Variants in CHKA observed in about 807,000 individuals in gnomAD.
CHKA encodes choline kinase alpha, also known as CHETK-alpha.
Under a neutral mutation model 60.1 loss-of-function variants are expected in CHKA, and 34 were observed. The ratio of observed to expected loss-of-function variants is 0.57; its 90% CI spans 0.43 to 0.75. The LOEUF is 0.75. Among genes scored for constraint, CHKA ranks in the 30% least tolerant of loss-of-function variants. CHKA has a pLI of 0.00. For missense variants in CHKA, 563 were observed against 561.3 expected (o/e 1.00, Z -0.03); for synonymous variants, 217 against 223.1 (o/e 0.97, Z 0.24).
chr11:68,071,466 T>C (rs1451680272), intron 4 of CHKA, among the ~76,000 whole-genome samples: 1 of 152,164 alleles, frequency 6.6e-6, no homozygotes, highest in Non-Finnish European at 1.5e-5. Context: ...ATCCTGCACT[T>C]CCCCTAAATC....
At chr11:68,076,056 T>A (rs961537666) in intron 3 of CHKA, among the ~76,000 whole-genome samples, 1 of 152,210 alleles carries the variant, frequency 6.6e-6, no homozygotes, top group Admixed American at 6.5e-5. Context: ...TTCCAAAGGA[T>A]ATCAGACCAC....
At chr11:68,087,855 G>A (rs1401438648) in intron 2 of CHKA, among the ~76,000 whole-genome samples, 2 of 152,160 alleles carry the variant, frequency 1.3e-5, no homozygotes, top group African/African-American at 2.4e-5. Flanking sequence ...GCTCACGCCT[G>A]TAATCCCAGC....
chr11:68,120,299 G>A (rs553099252), intron 1 of CHKA, among the ~76,000 whole-genome samples: 5 of 151,794 alleles, frequency 3.3e-5, no homozygotes, highest in African/African-American at 9.7e-5. Context: ...TCCCACCTTT[G>A]TCTAGTAACA....
chr11:68,114,457 G>T (rs1448668871), intron 1 of CHKA, among the ~76,000 whole-genome samples: 1 of 152,086 alleles, frequency 6.6e-6, no homozygotes, highest in Non-Finnish European at 1.5e-5. Context: ...CAACACCTTG[G>T]GAGGCCAAGG....
chr11:68,097,099 A>G lies in CHKA; in HGVS notation c.382T>C (p.Ser128Pro). 1 of 1,613,790 alleles carries G rather than the reference A, an allele frequency of 6.2e-7. No homozygotes were observed. Among genetic ancestry groups the G allele is most frequent in the Non-Finnish European group, 8.5e-7 (1 of 1,179,830 alleles). Residue 128 changes from serine (S) to proline (P), a missense_variant, in exon 2 of 12, where the codon TCC becomes CCC. Coordinates refer to ENST00000265689, the MANE Select transcript of CHKA (RefSeq NM_001277.3). ...GGLSNMLFQC[S>P]LPDTTATLGD... is the part of the protein sequence containing the mutation. ...AGGGTGGCTGTGGTGTCAGGTAGGG[A>G]GCACTGGAACAGCATGTTGCTAAGG... is the stretch of plus-strand genomic sequence containing the variant.
intron 1 of CHKA, among the ~76,000 whole-genome samples, chr11:68,104,383 G>T (rs1041061271): frequency 4.6e-5 from 7 of 151,988 alleles, no homozygotes; most frequent in African/African-American, 1.7e-4. Context: ...CAGATGGAAG[G>T]AATAAATTCA....
At chr11:68,106,623 G>T (rs987304058) in intron 1 of CHKA, among the ~76,000 whole-genome samples, 2 of 151,956 alleles carry the variant, frequency 1.3e-5, no homozygotes, top group African/African-American at 4.8e-5. Context: ...CAGACCTTGG[G>T]CAGGCCTCCA....
At chr11:68,087,178 A>G (rs535878250) in intron 2 of CHKA, among the ~76,000 whole-genome samples, 5 of 111,290 alleles carry the variant, frequency 4.5e-5, no homozygotes, top group African/African-American at 1.2e-4. Flanking sequence ...ATCATTATCA[A>G]TTATGGATAA....
At chr11:68,069,965 C>A (rs1260809308) in intron 6 of CHKA, among the ~76,000 whole-genome samples, 1 of 152,174 alleles carries the variant, frequency 6.6e-6, no homozygotes, top group Non-Finnish European at 1.5e-5. Flanking sequence ...TCAATGGAAC[C>A]TTCACAAACT....
chr11:68,062,764 T>A (rs889832657), intron 10 of CHKA, among the ~76,000 whole-genome samples: 1 of 152,190 alleles, frequency 6.6e-6, no homozygotes, highest in Non-Finnish European at 1.5e-5. Context: ...TGGGTTCTCC[T>A]CCATCTGTTT....
chr11:68,111,980 G>C (rs1229115526), intron 1 of CHKA, among the ~76,000 whole-genome samples: 1 of 150,358 alleles, frequency 6.7e-6, no homozygotes, highest in African/African-American at 2.5e-5. Context: ...TTGAACCTGG[G>C]AGGTGGAGGT....
At chr11:68,106,890 A>T (rs1278420436) in intron 1 of CHKA, among the ~76,000 whole-genome samples, 1 of 152,152 alleles carries the variant, frequency 6.6e-6, no homozygotes, top group Non-Finnish European at 1.5e-5. Flanking sequence ...GTACTGCAGG[A>T]ATGTTTAGCA....
intron 2 of CHKA, among the ~76,000 whole-genome samples, chr11:68,085,379 T>C (rs530301155): frequency 9.2e-5 from 14 of 151,794 alleles, no homozygotes; most frequent in Admixed American, 7.9e-4. Context: ...TGTGCCACCA[T>C]ACCTAGCCTT....
intron 1 of CHKA, among the ~76,000 whole-genome samples, chr11:68,112,126 C>T (rs935142149): frequency 4.2e-5 from 6 of 142,268 alleles, no homozygotes; most frequent in East Asian, 2.1e-4. Context: ...TCTAGACAGA[C>T]GTTACACTTC....
intron 1 of CHKA, among the ~76,000 whole-genome samples, chr11:68,106,917 T>C (rs1448437964): frequency 1.3e-5 from 2 of 152,092 alleles, no homozygotes; most frequent in South Asian, 4.1e-4. Flanking sequence ...CTGCCCTCTA[T>C]TCACTAGATG....
chr11:68,093,509 G>A (rs1857414002), intron 2 of CHKA, among the ~76,000 whole-genome samples: 1 of 152,192 alleles, frequency 6.6e-6, no homozygotes, highest in Admixed American at 6.5e-5. Flanking sequence ...TACATTTTAA[G>A]TGGCTTAAAT....
At chr11:68,101,462 A>G (rs925519759) in intron 1 of CHKA, among the ~76,000 whole-genome samples, 1 of 152,192 alleles carries the variant, frequency 6.6e-6, no homozygotes, top group Non-Finnish European at 1.5e-5. Context: ...GTTCAGTAAG[A>G]TTGCAGGATA....
intron 7 of CHKA, among the ~76,000 whole-genome samples, chr11:68,068,558 C>G (rs181139803): frequency 6.2e-4 from 95 of 152,176 alleles, no homozygotes; most frequent in South Asian, 2.3e-3. Flanking sequence ...GCTGGGACTA[C>G]AGGTGCACAC....
intron 3 of CHKA, among the ~76,000 whole-genome samples, chr11:68,080,614 G>A (rs1856955861): frequency 6.6e-6 from 1 of 152,160 alleles, no homozygotes; most frequent in African/African-American, 2.4e-5. Flanking sequence ...CCAAAATGCT[G>A]GGATTACAGG....
Sources: gnomAD v4.1 joint callset for allele counts (sites outside exome capture counted in the v4.1 genomes callset) on GRCh38, gnomAD v4.1.1 for gene constraint, MANE v1.5 for transcripts, NCBI Gene and HGNC (gene_info 2026-07-23, HGNC 2026-07-21) for gene names.